MRTFB: variants seen among roughly 807,000 people sequenced by gnomAD.
MRTFB encodes the protein myocardin-related transcription factor B.
A neutral mutation model predicts 104.2 loss-of-function variants in MRTFB; 29 were observed. The ratio of observed to expected loss-of-function variants is 0.28; its 90% CI spans 0.21 to 0.38. The LOEUF is 0.38. Among genes scored for constraint, MRTFB ranks in the 10% least tolerant of loss-of-function variants. The pLI is 1.00. For missense variants in MRTFB, 1,270 were observed against 1,341.6 expected (o/e 0.95, Z 0.83); for synonymous variants, 535 against 519.5 (o/e 1.03, Z -0.41).
intron 2 of MRTFB, among the ~76,000 whole-genome samples, chr16:14,090,584 G>A (rs1272995303): frequency 6.6e-6 from 1 of 152,162 alleles, no homozygotes; most frequent in Non-Finnish European, 1.5e-5. Context: ...GCCAGGAGGG[G>A]GAAGGGAGCA....
At chr16:14,038,784 T>A in the MRTFB span, among the ~76,000 whole-genome samples, 11 of 152,170 alleles carry the variant, frequency 7.2e-5, no homozygotes, top group Non-Finnish European at 1.6e-4. Flanking sequence ...CTAACACTGC[T>A]GATAAAGACA....
chr16:14,020,596 A>G, the MRTFB span: 1 of 152,226 alleles, frequency 6.6e-6, no homozygotes, highest in Non-Finnish European at 1.5e-5. Flanking sequence ...TGCATGAAAG[A>G]AGGAGCCACC....
intron 3 of MRTFB, chr16:14,186,812 C>A: frequency 6.4e-7 from 1 of 1,571,578 alleles, no homozygotes; most frequent in Non-Finnish European, 8.5e-7. Flanking sequence ...TGGGGAGCAA[C>A]CAGGGACCCA....
chr16:14,027,928 G>C, the MRTFB span, among the ~76,000 whole-genome samples: 1 of 152,200 alleles, frequency 6.6e-6, no homozygotes, highest in Non-Finnish European at 1.5e-5. Context: ...TGTAATCCCA[G>C]CACCTTGGGA....
chr16:14,210,425 C>G (rs2041142850), intron 4 of MRTFB, 117 bp downstream of exon 4: 5 of 716,520 alleles, frequency 7.0e-6, no homozygotes, highest in South Asian at 2.5e-5. Context: ...CAAACAATTA[C>G]CAAATGAATT....
chr16:14,219,075 T>C (rs752954527), intron 8 of MRTFB, 77 bp downstream of exon 8: 32 of 1,318,392 alleles, frequency 2.4e-5, no homozygotes, highest in Non-Finnish European at 3.0e-5. Flanking sequence ...TAATACACTT[T>C]GACCAGAAGA....
chr16:14,195,723 G>T (rs2040403837), intron 3 of MRTFB: 3 of 237,684 alleles, frequency 1.3e-5, no homozygotes, highest in Non-Finnish European at 2.1e-5. Context: ...ATTATAGAGG[G>T]ATTCAGAAGC....
the MRTFB span, among the ~76,000 whole-genome samples, chr16:14,061,354 G>C: frequency 1.3e-5 from 2 of 152,136 alleles, no homozygotes; most frequent in East Asian, 3.9e-4. Flanking sequence ...CCTCACCCAA[G>C]TGGAAAAGGA....
chr16:14,082,023 A>G (rs9929833), intron 2 of MRTFB, among the ~76,000 whole-genome samples: 31,836 of 152,150 alleles, frequency 0.21, 5,856 homozygotes, highest in African/African-American at 0.48. Flanking sequence ...TTTCTTTGCT[A>G]TACAGAAGCT....
intron 3 of MRTFB, among the ~76,000 whole-genome samples, chr16:14,145,228 A>G (rs1434550513): frequency 6.6e-6 from 1 of 151,898 alleles, no homozygotes. Context: ...GTTGGCATCA[A>G]AATTAATCAA....
At chr16:14,052,505 G>A in the MRTFB span, among the ~76,000 whole-genome samples, 4 of 152,014 alleles carry the variant, frequency 2.6e-5, no homozygotes, top group Admixed American at 6.6e-5. Flanking sequence ...TTGGGAGGCC[G>A]AGGCAAGCGG....
At chr16:14,134,880 T>C (rs1288629729) in intron 2 of MRTFB, among the ~76,000 whole-genome samples, 2 of 152,218 alleles carry the variant, frequency 1.3e-5, no homozygotes, top group Non-Finnish European at 2.9e-5. Flanking sequence ...AGCCTTGGCT[T>C]TCTCATCTAT....
At chr16:14,064,195 T>A in the MRTFB span, among the ~76,000 whole-genome samples, 1 of 152,226 alleles carries the variant, frequency 6.6e-6, no homozygotes, top group South Asian at 2.1e-4. Flanking sequence ...GGTATCTCAC[T>A]GTGGTTTTGA....
intron 3 of MRTFB, among the ~76,000 whole-genome samples, chr16:14,191,289 C>G (rs2040170051): frequency 6.6e-6 from 1 of 152,182 alleles, no homozygotes; most frequent in African/African-American, 2.4e-5. Context: ...CCATTTCTGC[C>G]CTCACAGAAA....
intron 3 of MRTFB, among the ~76,000 whole-genome samples, chr16:14,183,118 CAA>C (rs1204880079): frequency 1.3e-5 from 2 of 152,066 alleles, no homozygotes; most frequent in Admixed American, 6.5e-5. Flanking sequence ...ACCAAGGTGT[CAA>C]AATATACATC....
intron 3 of MRTFB, among the ~76,000 whole-genome samples, chr16:14,170,865 T>C (rs1474306532): frequency 6.6e-6 from 1 of 152,206 alleles, no homozygotes; most frequent in Non-Finnish European, 1.5e-5. Context: ...ATGTGGGTAA[T>C]TGCTAAGTGG....
the MRTFB span, among the ~76,000 whole-genome samples, chr16:14,012,397 C>T: frequency 1.7e-4 from 25 of 149,018 alleles, no homozygotes; most frequent in South Asian, 5.1e-3. Flanking sequence ...CTCCCGGGTT[C>T]AAGCGATTCT....
intron 3 of MRTFB, among the ~76,000 whole-genome samples, chr16:14,148,431 C>G (rs2038434106): frequency 6.6e-6 from 1 of 152,126 alleles, no homozygotes; most frequent in South Asian, 2.1e-4. Flanking sequence ...AAAAGTGATC[C>G]ATGACAATTT....
At chr16:14,076,552 A>G (rs748052720) in intron 1 of MRTFB, among the ~76,000 whole-genome samples, 3 of 152,210 alleles carry the variant, frequency 2.0e-5, no homozygotes, top group Non-Finnish European at 4.4e-5. Context: ...TTTAGCCTCC[A>G]GTGATCAATA....
Sources: allele counts gnomAD v4.1 joint callset (sites outside exome capture counted in the v4.1 genomes callset), GRCh38; gene constraint gnomAD v4.1.1; transcripts MANE v1.5; gene names NCBI Gene and HGNC (gene_info 2026-07-23, HGNC 2026-07-21).